ST7: variants seen among roughly 807,000 people sequenced by gnomAD.
The protein encoded by ST7 is suppression of tumorigenicity 7.
A neutral mutation model predicts 78.7 loss-of-function variants in ST7; 28 were observed. That is an observed-to-expected ratio of 0.36 (90% CI 0.26 to 0.49). The LOEUF is 0.49. Among genes scored for constraint, ST7 ranks in the 20% least tolerant of loss-of-function variants. The pLI is 0.99. For missense variants in ST7, 418 were observed against 696.0 expected, an observed-to-expected ratio of 0.60 and a Z score of 4.49; for synonymous variants, 247 against 249.6, an observed-to-expected ratio of 0.99 and a Z score of 0.10.
chr7:117,009,105 T>A (rs1055804861), intron 1 of ST7, among the ~76,000 whole-genome samples: 2 of 152,150 alleles, frequency 1.3e-5, no homozygotes, highest in Non-Finnish European at 2.9e-5. Flanking sequence ...TTTGGCCCTT[T>A]ATAAAAAGGA....
intron 9 of ST7, among the ~76,000 whole-genome samples, chr7:117,169,858 C>G (rs926297302): frequency 9.7e-6 from 1 of 102,822 alleles, no homozygotes; most frequent in Non-Finnish European, 1.9e-5. Context: ...GGCTGTTTTT[C>G]ACTTTCACCC....
intron 9 of ST7, among the ~76,000 whole-genome samples, chr7:117,156,048 G>T (rs1161796640): frequency 6.6e-6 from 1 of 152,148 alleles, no homozygotes; most frequent in Non-Finnish European, 1.5e-5. Context: ...AATCACATCT[G>T]CCTGTGCTGT....
At position 116,966,137 on chromosome 7, in the gene ST7, GAT is replaced by G. The variant is rs546605478; in HGVS notation, c.151+12450_151+12451del. On this transcript the variant is annotated intron_variant, in intron 1 of 15. Coordinates refer to ENST00000323984, the MANE Select transcript of ST7 (RefSeq NM_001369598.1). ...GTCTGTAACACCTGCAAAAACAAAA[GAT>G]ATAAAAATATGTAGACATTAAGACA... 7.4e-4 allele frequency: 340 copies of G among 461,174 alleles called. 2 individuals are homozygous for G. The highest frequency in any genetic ancestry group is 1.2e-3 in the Admixed American group (48 of 40,886). 28.6% of individuals were successfully genotyped at this position (461,174 alleles called of 1,614,324 possible). A position where few individuals can be genotyped will look rare whatever the true frequency, so the allele number is the denominator to read the frequency against.
In ST7 at chr7:117,104,372, G is replaced by A. The variant is rs140008203; in HGVS notation, c.234+4528G>A. Among the ~76,000 whole-genome samples, 303 of 152,266 alleles carry A rather than the reference G, an allele frequency of 2.0e-3. 1 individual carries two copies. The highest frequency in any genetic ancestry group is 0.012 in the South Asian group (56 of 4,824). On this transcript the variant is annotated intron_variant, in intron 2 of 15. Coordinates refer to ENST00000323984, the MANE Select transcript of ST7 (RefSeq NM_001369598.1). ...GCAGAATCACTTAAATCCAGGAGGC[G>A]GAGGTTGCAGTGAGCTGAGATGGCA...
intron 13 of ST7, among the ~76,000 whole-genome samples, chr7:117,213,172 G>A (rs1351440220): frequency 1.3e-5 from 2 of 152,302 alleles, no homozygotes; most frequent in Middle Eastern, 3.4e-3. Flanking sequence ...AAAGGAGGCT[G>A]CACTTCCACC....
chr7:117,091,981 T>A (rs975996943), intron 1 of ST7, among the ~76,000 whole-genome samples: 1 of 152,176 alleles, frequency 6.6e-6, no homozygotes, highest in African/African-American at 2.4e-5. Flanking sequence ...CTGGCTGTTG[T>A]AGAGGCTGCC....
At chr7:117,053,390 T>C (rs1797893406) in intron 1 of ST7, among the ~76,000 whole-genome samples, 1 of 152,220 alleles carries the variant, frequency 6.6e-6, no homozygotes. Flanking sequence ...CTACTCTTGT[T>C]AGGGAAGTCA....
At chr7:117,016,424 C>T (rs1795619460) in intron 1 of ST7, among the ~76,000 whole-genome samples, 1 of 152,150 alleles carries the variant, frequency 6.6e-6, no homozygotes, top group Non-Finnish European at 1.5e-5. Context: ...ATTTGTACCT[C>T]CTCCCACAAA....
At position 117,040,417 on chromosome 7, in the gene ST7, TAC is replaced by T. The variant is rs143063486; in HGVS notation, c.152-59328_152-59327del. ...ACATTCACTAAATTTTATACACACATACACACACACACACACACCCTTTTACA... is the reference window on the plus strand; with the variant it reads ...ACATTCACTAAATTTTATACACACATACACACACACACACACCCTTTTACA... On this transcript the variant is annotated intron_variant, in intron 1 of 15. Coordinates refer to ENST00000323984, the MANE Select transcript of ST7 (RefSeq NM_001369598.1). Among the ~76,000 whole-genome samples, 69 of 150,226 alleles carry T rather than the reference TAC, an allele frequency of 4.6e-4. No individual in the cohort carries two copies. In the East Asian group the frequency reaches 7.8e-3, roughly 17 times the overall value.
intron 12 of ST7, among the ~76,000 whole-genome samples, chr7:117,191,336 G>A (rs180942457): frequency 2.6e-5 from 4 of 152,222 alleles, no homozygotes; most frequent in Non-Finnish European, 5.9e-5. Context: ...GTGGCATTCC[G>A]TGTCTCTATA....
intron 1 of ST7, chr7:116,959,371 G>A: frequency 2.5e-6 from 1 of 402,984 alleles, no homozygotes; most frequent in Non-Finnish European, 5.0e-6. Flanking sequence ...TGTGATATAT[G>A]TGGGTCAGTG....
At chr7:117,111,889 TC>T (rs1802459007) in intron 2 of ST7, among the ~76,000 whole-genome samples, 1 of 152,312 alleles carries the variant, frequency 6.6e-6, no homozygotes, top group Admixed American at 6.5e-5. Flanking sequence ...CAGAAAATGC[TC>T]CCCTTAATTA....
At chr7:117,189,233 A>T in intron 10 of ST7, 88 bp from the exon 11 acceptor site, 1 of 837,912 alleles carries the variant, frequency 1.2e-6, no homozygotes, top group Non-Finnish European at 1.9e-6. Flanking sequence ...TATTGCACTT[A>T]AACGTGATTA....
At chr7:117,029,719 C>T (rs1206448480) in intron 1 of ST7, among the ~76,000 whole-genome samples, 1 of 149,982 alleles carries the variant, frequency 6.7e-6, no homozygotes, top group African/African-American at 2.4e-5. Flanking sequence ...ATCTTTAGTA[C>T]ATTTTTGTTT....
chr7:116,953,662 CT>C lies in ST7; in HGVS notation c.125del (p.Leu42Ter). 2 of 1,498,082 alleles carry C rather than the reference CT, an allele frequency of 1.3e-6. No individual in the cohort carries two copies. The highest frequency in any genetic ancestry group is 1.9e-5 in the Admixed American group (1 of 53,028). The allele number at this position is 1,498,082 out of a possible 1,614,324, so 92.8% of individuals were successfully genotyped here. A position where few individuals can be genotyped will look rare whatever the true frequency, so the allele number is the denominator to read the frequency against. ...TTCCTGGTCTACATCCTGCGGGTGC[CT>C]TTGAAAATCAACGACAACTTGAGCA... ...VLFLVYILRV[P>X]LKINDNLSTV... On this transcript the variant is annotated frameshift_variant, in exon 1 of 16. Transcript: ENST00000323984. LOFTEE classifies it high-confidence loss of function.
rs768577514 is a variant in ST7, at chr7:117,209,872, T to C, written c.1340T>C (p.Phe447Ser). The change falls in exon 13 of 16, where the codon TTT becomes TCT. Residue 447 changes from phenylalanine (F) to serine (S), a missense_variant. Phe to Ser is a radical substitution (Grantham distance 155, BLOSUM62 -2). Around this residue, in one of 4 missense-constraint regions of ST7, gnomAD observed 288 missense variants for 537.1 expected, o/e 0.54. Transcript: ENST00000323984. The part of the protein sequence containing the change: ...GDSEAIAYAF[F>S]HLAHWKRVEG... Reference sequence around the variant, plus strand: ...AGTGAAGCAATAGCATATGCATTCTTTCATCTTGCACACTGGAAGAGAGTG... The same window carrying C: ...AGTGAAGCAATAGCATATGCATTCTCTCATCTTGCACACTGGAAGAGAGTG... The C allele has an allele frequency of 6.2e-7, 1 of 1,614,172 alleles. No individual in the cohort carries two copies. The highest frequency in any genetic ancestry group is 1.1e-5 in the South Asian group (1 of 91,084).
chr7:117,019,323 T>C (rs1584462051), intron 1 of ST7, among the ~76,000 whole-genome samples: 1 of 152,234 alleles, frequency 6.6e-6, no homozygotes, highest in East Asian at 1.9e-4. Flanking sequence ...CATATGCTTC[T>C]AGTACTTTTT....
intron 3 of ST7, among the ~76,000 whole-genome samples, chr7:117,126,735 A>G (rs925966932): frequency 1.3e-5 from 2 of 151,602 alleles, no homozygotes; most frequent in Non-Finnish European, 1.5e-5. Context: ...GGGAGGGCTG[A>G]AAAAAAAGGA....
chr7:116,985,940 C>A (rs1452794719), intron 1 of ST7, among the ~76,000 whole-genome samples: 1 of 152,232 alleles, frequency 6.6e-6, no homozygotes, highest in Non-Finnish European at 1.5e-5. Context: ...TCAAGCGACT[C>A]TTATGTCGCA....
Sources: allele counts gnomAD v4.1 joint callset (sites outside exome capture counted in the v4.1 genomes callset), GRCh38; gene constraint gnomAD v4.1.1; regional missense constraint gnomAD v4.1.1; transcripts MANE v1.5; gene names NCBI Gene and HGNC (gene_info 2026-07-23, HGNC 2026-07-21).